Variants in RARB observed in about 807,000 individuals in gnomAD.
The protein encoded by RARB is HBV-activated protein.
In RARB, 17 loss-of-function variants were observed where a neutral mutation model predicts 51.9. The ratio of observed to expected loss-of-function variants is 0.33; its 90% CI spans 0.22 to 0.49. The LOEUF (loss-of-function observed/expected upper bound fraction) is 0.49, where lower values mean the gene tolerates loss of function less well. RARB is among the 20% of genes least tolerant of loss of function. The pLI is 0.99. For missense variants in RARB, 369 were observed against 550.8 expected (o/e 0.67, Z 3.30); for synonymous variants, 215 against 195.4 (o/e 1.10, Z -0.84).
At chr3:25,319,509 T>A (rs893809912) in intron 5 of RARB, among the ~76,000 whole-genome samples, 1 of 152,186 alleles carries the variant, frequency 6.6e-6, no homozygotes, top group Non-Finnish European at 1.5e-5. Context: ...CTATTCTCCA[T>A]CTCTTAGCCC....
intron 5 of RARB, among the ~76,000 whole-genome samples, chr3:25,302,710 T>G (rs1292850164): frequency 1.3e-5 from 2 of 152,216 alleles, no homozygotes; most frequent in African/African-American, 4.8e-5. Flanking sequence ...GTGAATAGAC[T>G]TAAAACCACC....
chr3:25,041,612 C>A (rs73040990), intron 2 of RARB, among the ~76,000 whole-genome samples: 4,196 of 151,712 alleles, frequency 0.028, 74 homozygotes, highest in Non-Finnish European at 0.043. Flanking sequence ...CATAATTCTC[C>A]AGCTAAGAAT....
intron 5 of RARB, among the ~76,000 whole-genome samples, chr3:25,223,952 T>A (rs973545116): frequency 6.6e-6 from 1 of 152,220 alleles, no homozygotes; most frequent in African/African-American, 2.4e-5. Flanking sequence ...TCTAAATATT[T>A]AAAAATTTTT....
chr3:25,145,816 T>C (rs770474123), intron 4 of RARB, among the ~76,000 whole-genome samples: 36 of 142,552 alleles, frequency 2.5e-4, no homozygotes, highest in Non-Finnish European at 3.5e-4. Flanking sequence ...GCCAACATGG[T>C]AAAACCCCAT....
At chr3:25,270,459 T>C (rs1471034069) in intron 5 of RARB, among the ~76,000 whole-genome samples, 1 of 152,130 alleles carries the variant, frequency 6.6e-6, no homozygotes, top group Non-Finnish European at 1.5e-5. Flanking sequence ...ACCTAAAAAT[T>C]GTTAAAATGG....
intron 2 of RARB, among the ~76,000 whole-genome samples, chr3:24,870,675 C>T (rs1380436834): frequency 6.6e-6 from 1 of 151,962 alleles, no homozygotes; most frequent in Admixed American, 6.6e-5. Flanking sequence ...TCATTTTGCC[C>T]TGCATGTATG....
At chr3:25,568,422 T>A (rs545472411) in intron 3 of RARB, among the ~76,000 whole-genome samples, 2 of 152,240 alleles carry the variant, frequency 1.3e-5, no homozygotes, top group East Asian at 3.9e-4. Flanking sequence ...ATGTTCCTGG[T>A]CTCCCCAGCT....
At chr3:25,319,166 C>T (rs1704499059) in intron 5 of RARB, among the ~76,000 whole-genome samples, 2 of 152,108 alleles carry the variant, frequency 1.3e-5, no homozygotes, top group Non-Finnish European at 2.9e-5. Flanking sequence ...GAAGTTTTAT[C>T]CTCCGAATAG....
At chr3:25,254,258 A>G (rs964182044) in intron 5 of RARB, among the ~76,000 whole-genome samples, 1 of 152,140 alleles carries the variant, frequency 6.6e-6, no homozygotes, top group African/African-American at 2.4e-5. Context: ...ATGGACTTCA[A>G]GATTATTTCC....
intron 5 of RARB, among the ~76,000 whole-genome samples, chr3:25,240,090 T>C (rs1175538075): frequency 4.6e-5 from 7 of 152,114 alleles, no homozygotes; most frequent in African/African-American, 1.7e-4. Flanking sequence ...TGTTTGTTTT[T>C]GTAATTCTTG....
At chr3:25,519,158 G>T (rs1286428992) in intron 3 of RARB, among the ~76,000 whole-genome samples, 1 of 152,084 alleles carries the variant, frequency 6.6e-6, no homozygotes, top group African/African-American at 2.4e-5. Context: ...TTTATAGATA[G>T]GCTTTTCTCA....
intron 2 of RARB, among the ~76,000 whole-genome samples, chr3:24,939,543 G>A (rs1258919875): frequency 1.3e-5 from 2 of 152,098 alleles, no homozygotes; most frequent in African/African-American, 4.8e-5. Flanking sequence ...TCAGAAAAAG[G>A]CAAACTCTTT....
intron 2 of RARB, among the ~76,000 whole-genome samples, chr3:25,488,546 G>A (rs1233717273): frequency 1.3e-5 from 2 of 152,214 alleles, no homozygotes; most frequent in East Asian, 3.9e-4. Flanking sequence ...TCCTAGATGA[G>A]GCTTCCTGGC....
chr3:25,380,385 C>T (rs1269045489), intron 5 of RARB, among the ~76,000 whole-genome samples: 1 of 152,186 alleles, frequency 6.6e-6, no homozygotes, highest in Non-Finnish European at 1.5e-5. Flanking sequence ...AGAGTGACCC[C>T]AACTCGATCC....
intron 5 of RARB, among the ~76,000 whole-genome samples, chr3:25,391,303 C>T (rs540637929): frequency 1.3e-5 from 2 of 152,180 alleles, no homozygotes; most frequent in African/African-American, 2.4e-5. Flanking sequence ...GTCTTATGGG[C>T]ATTTGGGCTG....
chr3:25,056,680 G>A (rs1460554580), intron 2 of RARB, among the ~76,000 whole-genome samples: 2 of 152,020 alleles, frequency 1.3e-5, no homozygotes, highest in Non-Finnish European at 2.9e-5. Flanking sequence ...GTATCTCAAT[G>A]TATCATATGA....
intron 2 of RARB, among the ~76,000 whole-genome samples, chr3:24,982,565 G>A (rs900982372): frequency 1.3e-5 from 2 of 152,168 alleles, no homozygotes; most frequent in Non-Finnish European, 1.5e-5. Context: ...TCCATCTTTG[G>A]TTTTCCTTTA....
At chr3:24,841,099 C>T (rs1312016286) in intron 1 of RARB, among the ~76,000 whole-genome samples, 1 of 152,122 alleles carries the variant, frequency 6.6e-6, no homozygotes, top group Non-Finnish European at 1.5e-5. Flanking sequence ...AGATAAGTGT[C>T]CAGGAGATGC....
chr3:25,242,305 T>G (rs1337855835), intron 5 of RARB, among the ~76,000 whole-genome samples: 1 of 152,222 alleles, frequency 6.6e-6, no homozygotes, highest in African/African-American at 2.4e-5. Flanking sequence ...AACTCTTTAG[T>G]TTAATTAGAT....
Sources: allele counts gnomAD v4.1 joint callset (sites outside exome capture counted in the v4.1 genomes callset), GRCh38; gene constraint gnomAD v4.1.1; transcripts MANE v1.5; gene names NCBI Gene and HGNC (gene_info 2026-07-23, HGNC 2026-07-21).